ST7: variants seen among roughly 807,000 people sequenced by gnomAD.
The protein encoded by ST7 is suppression of tumorigenicity 7.
Under a neutral mutation model 78.7 loss-of-function variants are expected in ST7, and 28 were observed. That is an observed-to-expected ratio of 0.36 (90% confidence interval 0.26 to 0.49). ST7 has a LOEUF of 0.49. Ranked by LOEUF, ST7 falls within the 20% of genes least tolerant of loss-of-function variation. ST7 has a pLI of 0.99. For synonymous variants in ST7, 247 were observed against 249.6 expected, an observed-to-expected ratio of 0.99 and a Z score of 0.10; for missense variants, 418 against 696.0, an observed-to-expected ratio of 0.60 and a Z score of 4.49.
chr7:117,146,887 A>G (rs1056707809), intron 9 of ST7, among the ~76,000 whole-genome samples: 9 of 152,090 alleles, frequency 5.9e-5, no homozygotes, highest in African/African-American at 2.2e-4. Flanking sequence ...TGACTTCTTG[A>G]TCTTTTTGTG....
intron 1 of ST7, among the ~76,000 whole-genome samples, chr7:117,068,480 C>A (rs1323876088): frequency 6.6e-6 from 1 of 152,232 alleles, no homozygotes; most frequent in African/African-American, 2.4e-5. Context: ...TGTTACACAT[C>A]TTCAATTAAT....
At chr7:117,220,896 T>C (rs992984438) in intron 14 of ST7, among the ~76,000 whole-genome samples, 1 of 152,192 alleles carries the variant, frequency 6.6e-6, no homozygotes, top group Admixed American at 6.5e-5. Context: ...ATTAGCCTTG[T>C]GGATTACTGT....
chr7:117,143,149 T>C (rs1333921721), intron 9 of ST7, among the ~76,000 whole-genome samples: 2 of 152,150 alleles, frequency 1.3e-5, no homozygotes, highest in African/African-American at 4.8e-5. Flanking sequence ...TTGCCCCTCA[T>C]GCATGCTTCG....
At chr7:117,071,962 A>C (rs1424339543) in intron 1 of ST7, 2 of 152,248 alleles carry the variant, frequency 1.3e-5, no homozygotes, top group Non-Finnish European at 2.9e-5. Context: ...TATAAGAGTG[A>C]GGGATAAGAG....
chr7:117,046,755 G>GGT (rs1431291883), intron 1 of ST7, among the ~76,000 whole-genome samples: 1 of 152,178 alleles, frequency 6.6e-6, no homozygotes, highest in African/African-American at 2.4e-5. Flanking sequence ...AAGAATGACA[G>GGT]GTATAATCTG....
intron 1 of ST7, chr7:116,954,726 G>A (rs1396520839): frequency 6.3e-6 from 1 of 157,632 alleles, no homozygotes; most frequent in African/African-American, 2.4e-5. Flanking sequence ...CACAGTACTG[G>A]GAAATTCTTA....
At chr7:117,097,003 CAAAT>C (rs1004462266) in intron 1 of ST7, among the ~76,000 whole-genome samples, 105 of 152,048 alleles carry the variant, frequency 6.9e-4, no homozygotes, top group African/African-American at 2.3e-3. Context: ...ATCTTAAAAA[CAAAT>C]GAATGGAATC....
At chr7:116,972,459 C>T (rs1026662251) in intron 1 of ST7, 2 of 789,594 alleles carry the variant, frequency 2.5e-6, no homozygotes, top group Non-Finnish European at 2.2e-6. Context: ...GGCAACGGTA[C>T]TCTGCCAGCT....
chr7:117,160,221 A>C (rs1807019593), intron 9 of ST7, among the ~76,000 whole-genome samples: 1 of 149,418 alleles, frequency 6.7e-6, no homozygotes, highest in Non-Finnish European at 1.5e-5. Flanking sequence ...CAACAGAGTG[A>C]AACTGTGTCT....
chr7:116,977,539 T>C (rs1485761263), intron 1 of ST7, among the ~76,000 whole-genome samples: 4 of 152,174 alleles, frequency 2.6e-5, no homozygotes, highest in Non-Finnish European at 5.9e-5. Flanking sequence ...AGTGGTAGTA[T>C]TTTTTTATGT....
intron 1 of ST7, among the ~76,000 whole-genome samples, chr7:117,054,893 A>G (rs1286669452): frequency 6.6e-6 from 1 of 152,224 alleles, no homozygotes; most frequent in East Asian, 1.9e-4. Flanking sequence ...TACAAGGAAA[A>G]GCAGATGAAT....
intron 9 of ST7, among the ~76,000 whole-genome samples, chr7:117,169,371 G>C (rs1381861107): frequency 6.6e-6 from 1 of 151,688 alleles, no homozygotes; most frequent in Non-Finnish European, 1.5e-5. Flanking sequence ...CCTGACCTCA[G>C]GTGATCCACC....
chr7:117,106,701 ATC>A (rs1162258198), intron 2 of ST7, among the ~76,000 whole-genome samples: 2 of 148,052 alleles, frequency 1.4e-5, no homozygotes, highest in African/African-American at 2.5e-5. Context: ...GCTCACTGCA[ATC>A]TCTGTCTCCC....
At chr7:117,155,562 A>G (rs1287634105) in intron 9 of ST7, among the ~76,000 whole-genome samples, 1 of 152,128 alleles carries the variant, frequency 6.6e-6, no homozygotes. Flanking sequence ...GATTTGAGAT[A>G]TATTTGGACA....
intron 1 of ST7, chr7:116,966,011 G>A (rs1793091663): frequency 4.8e-6 from 2 of 420,746 alleles, no homozygotes; most frequent in Non-Finnish European, 9.7e-6. Context: ...TGGTTCATTG[G>A]TTCATGCCCA....
At chr7:117,020,346 A>G (rs761236073) in intron 1 of ST7, 8 of 473,448 alleles carry the variant, frequency 1.7e-5, no homozygotes, top group Non-Finnish European at 3.0e-5. Flanking sequence ...TCATTTGCCT[A>G]GTGGATTTTC....
chr7:116,978,556 ACATAT>A (rs1162160007), intron 1 of ST7, among the ~76,000 whole-genome samples: 2 of 151,958 alleles, frequency 1.3e-5, no homozygotes, highest in African/African-American at 2.4e-5. Flanking sequence ...GTAGCAGGAA[ACATAT>A]CATACATTCT....
chr7:117,106,500 C>T (rs537711355), intron 2 of ST7, among the ~76,000 whole-genome samples: 20 of 151,876 alleles, frequency 1.3e-4, no homozygotes, highest in African/African-American at 3.9e-4. Flanking sequence ...CTGAGATTTT[C>T]GTGCATCCAT....
chr7:116,975,903 G>T (rs1793681125), intron 1 of ST7, among the ~76,000 whole-genome samples: 1 of 151,904 alleles, frequency 6.6e-6, no homozygotes, highest in South Asian at 2.1e-4. Flanking sequence ...AACTTTACTG[G>T]GTATTGCCAG....
Sources: allele counts gnomAD v4.1 joint callset (sites outside exome capture counted in the v4.1 genomes callset), GRCh38; gene constraint gnomAD v4.1.1; transcripts MANE v1.5; gene names NCBI Gene and HGNC (gene_info 2026-07-23, HGNC 2026-07-21).